FGD5: variants seen among roughly 807,000 people sequenced by gnomAD.
The protein encoded by FGD5 is FYVE, RhoGEF and PH domain-containing protein 5.
FGD5 carries 28 observed loss-of-function variants against 133.4 expected under a neutral mutation model. The observed-to-expected ratio is 0.21, with a 90% CI of 0.16 to 0.29. The LOEUF (loss-of-function observed/expected upper bound fraction) is 0.29. FGD5 is among the 10% of genes least tolerant of loss of function. The probability of loss-of-function intolerance (pLI) is 1.00; values close to 1 mark genes in which losing one functional copy is unlikely to be tolerated. For synonymous variants in FGD5, 810 were observed against 776.5 expected (o/e 1.04, Z -0.72); for missense variants, 1,858 against 1,895.2 (o/e 0.98, Z 0.36).
rs2038581748 is a variant in FGD5, at chr3:14,917,453, C to T, written c.3489+121C>T. On this transcript the variant is annotated intron_variant, in intron 12 of 19. Transcript: ENST00000285046. The surrounding 1 kb of genome is among the most constrained non-coding windows in gnomAD (Gnocchi z 4.1). ...CTGGAAGAGGGAGGCCCTGCGGAAACAGTGTTGGGCTACAGCAAGTTTGTG... is the reference window on the plus strand; with the variant it reads ...CTGGAAGAGGGAGGCCCTGCGGAAATAGTGTTGGGCTACAGCAAGTTTGTG... 2.4e-6 allele frequency: 2 copies of T among 849,512 alleles called. No individual in the cohort carries two copies. The highest frequency in any genetic ancestry group is 3.7e-6 in the Non-Finnish European group (2 of 542,654). 52.6% of individuals were successfully genotyped at this position (849,512 alleles called of 1,614,324 possible).
chr3:14,870,813 T>G (rs1040916798), intron 2 of FGD5, among the ~76,000 whole-genome samples: 1 of 152,206 alleles, frequency 6.6e-6, no homozygotes, highest in Non-Finnish European at 1.5e-5. Context: ...AAGCTCATCC[T>G]CTTCCCATCC....
rs765765956 is a variant in FGD5 at position 14,932,667 on chromosome 3, C to T, written c.4288C>T (p.His1430Tyr). Reference sequence around the variant, plus strand: ...CAGCAGTGAAGTAGGACCTATTTTTCACCTTTACCACAAGAAAACCCTATT... The same window carrying T: ...CAGCAGTGAAGTAGGACCTATTTTTTACCTTTACCACAAGAAAACCCTATT... ...EGSSEVGPIF[H>Y]LYHKKTLFYS... Residue 1430 changes from histidine to tyrosine, a missense_variant, in exon 19 of 20, where the codon CAC becomes TAC. His to Tyr is a moderately conservative substitution (Grantham distance 83, BLOSUM62 2). This residue lies in a region of FGD5 where 1,824 missense variants were observed against 1,848.9 expected (regional missense o/e 0.99). Coordinates refer to ENST00000285046, the MANE Select transcript of FGD5 (RefSeq NM_152536.4). 60 of 1,613,910 alleles carry T rather than the reference C, an allele frequency of 3.7e-5. No homozygotes were observed. The highest frequency in any genetic ancestry group is 4.9e-5 in the Non-Finnish European group (58 of 1,179,906).
intron 1 of FGD5, among the ~76,000 whole-genome samples, chr3:14,813,820 T>C (rs887725865): frequency 8.5e-5 from 13 of 152,266 alleles, no homozygotes; most frequent in Non-Finnish European, 1.2e-4. Flanking sequence ...CCAATACCCC[T>C]GCTAATTGAA....
At chr3:14,900,978 A>C (rs1467514065) in intron 8 of FGD5, 25 bp from the exon 9 acceptor site, 1 of 1,613,868 alleles carries the variant, frequency 6.2e-7, no homozygotes, top group East Asian at 2.2e-5. Context: ...CAATGGCCCA[A>C]CTCCTGCTCT....
At chr3:14,928,366 C>T (rs1269481291) in intron 18 of FGD5, among the ~76,000 whole-genome samples, 1 of 152,072 alleles carries the variant, frequency 6.6e-6, no homozygotes, top group Non-Finnish European at 1.5e-5. Context: ...GCCACTGTGC[C>T]CAGCCTATTT....
chr3:14,817,195 T>C (rs2036383021), upstream of FGD5, among the ~76,000 whole-genome samples: 1 of 152,184 alleles, frequency 6.6e-6, no homozygotes, highest in Admixed American at 6.5e-5. Flanking sequence ...ATCGTTAAAA[T>C]TACTTTTACT....
At chr3:14,927,659 A>G (rs777801701) in intron 18 of FGD5, among the ~76,000 whole-genome samples, 4 of 152,132 alleles carry the variant, frequency 2.6e-5, no homozygotes, top group Non-Finnish European at 5.9e-5. Context: ...GTGCACCCCT[A>G]TCATGTACCC....
At chr3:14,834,777 G>A (rs2125080088) in intron 1 of FGD5, among the ~76,000 whole-genome samples, 1 of 152,320 alleles carries the variant, frequency 6.6e-6, no homozygotes, top group South Asian at 2.1e-4. Flanking sequence ...CATGTAAGAA[G>A]CAGTTTAAGG....
intron 1 of FGD5, among the ~76,000 whole-genome samples, chr3:14,835,606 T>G (rs2036803207): frequency 6.6e-6 from 1 of 152,228 alleles, no homozygotes; most frequent in African/African-American, 2.4e-5. Flanking sequence ...GCACTGCACT[T>G]TACAGCTTAC....
At chr3:14,885,063 G>A (rs918459151) in intron 4 of FGD5, among the ~76,000 whole-genome samples, 4 of 151,360 alleles carry the variant, frequency 2.6e-5, no homozygotes, top group Admixed American at 6.6e-5. Flanking sequence ...GTAAAGCTTA[G>A]GGCCCTTGTC....
At chr3:14,896,627 C>T (rs1232028614) in intron 4 of FGD5, among the ~76,000 whole-genome samples, 3 of 152,120 alleles carry the variant, frequency 2.0e-5, no homozygotes, top group East Asian at 3.9e-4. Flanking sequence ...TGCGCAACCA[C>T]ACCCAGCTAA....
intron 4 of FGD5, among the ~76,000 whole-genome samples, chr3:14,884,521 G>A (rs1038196352): frequency 6.6e-6 from 1 of 152,206 alleles, no homozygotes. Context: ...TCTGCTGGAA[G>A]GTCCTACCCC....
At chr3:14,899,172 T>A (rs2038191984) in intron 7 of FGD5, among the ~76,000 whole-genome samples, 2 of 152,120 alleles carry the variant, frequency 1.3e-5, no homozygotes, top group African/African-American at 4.8e-5. Context: ...GAGTGGACAT[T>A]TTCAGCCTTG....
rs374972839 is a variant in FGD5 at position 14,932,735 on chromosome 3, C to T, written c.4352+4C>T. The T allele has an allele frequency of 7.9e-5, 127 of 1,610,354 alleles. No individual in the cohort carries two copies. Among genetic ancestry groups the T allele is most frequent in the East Asian group, 4.5e-4 (20 of 44,868 alleles). ...AAGATACCAATTCAGCTCAGAGGTA[C>T]GAAAAGAACTAATTAGTCTTATAGC... is the stretch of plus-strand genomic sequence containing the variant. On this transcript the variant is annotated splice_donor_region_variant and intron_variant, in intron 19 of 19. Coordinates refer to ENST00000285046, the MANE Select transcript of FGD5 (RefSeq NM_152536.4).
In FGD5 at chr3:14,820,541, C is replaced by T. The variant is rs748633653; in HGVS notation, c.1470C>T (p.Ala490=). 12 of 1,613,426 alleles carry T rather than the reference C, an allele frequency of 7.4e-6. No individual in the cohort carries two copies. Among genetic ancestry groups the T allele is most frequent in the East Asian group, 4.5e-5 (2 of 44,870 alleles). The change falls in exon 1 of 20, where the codon GCC becomes GCT. Residue 490 remains alanine (A), a synonymous_variant. Coordinates refer to ENST00000285046, the MANE Select transcript of FGD5 (RefSeq NM_152536.4). ...TRVRPHSGKV[A]GYVPETVPEE... is the part of the protein sequence containing the mutation. ...TCCGGCCCCACTCTGGGAAGGTGGC[C>T]GGCTATGTCCCAGAAACCGTCCCTG...
intron 1 of FGD5, among the ~76,000 whole-genome samples, chr3:14,829,176 C>G (rs1042702557): frequency 6.6e-6 from 1 of 151,984 alleles, no homozygotes; most frequent in African/African-American, 2.4e-5. Flanking sequence ...TCTGGAGAGT[C>G]GAAAGGATCT....
chr3:14,865,325 G>T (rs2037474702), intron 2 of FGD5, among the ~76,000 whole-genome samples: 1 of 152,182 alleles, frequency 6.6e-6, no homozygotes, highest in South Asian at 2.1e-4. Flanking sequence ...CTCAGCACAG[G>T]TGCCTGACAC....
At chr3:14,859,172 G>A (rs550114287) in intron 1 of FGD5, among the ~76,000 whole-genome samples, 1 of 152,310 alleles carries the variant, frequency 6.6e-6, no homozygotes, top group South Asian at 2.1e-4. Flanking sequence ...ACAATGTGAT[G>A]TTTTAGTATA....
In FGD5 at chr3:14,898,691, T is replaced by C. The variant is rs377247404; in HGVS notation, c.3067-48T>C. 194 of 1,498,890 alleles carry C rather than the reference T, an allele frequency of 1.3e-4. 1 individual carries two copies. The highest frequency in any genetic ancestry group is 1.6e-4 in the Non-Finnish European group (180 of 1,100,968). The allele number at this position is 1,498,890 out of a possible 1,614,324, so 92.8% of individuals were successfully genotyped here. On this transcript the variant is annotated intron_variant, in intron 6 of 19. Transcript: ENST00000285046. ...ATGGGCTGCTGTGAGCATGGTGCCTTCAGGAGGGGTTTCTGATAAGGTTTT... is the reference window on the plus strand; with the variant it reads ...ATGGGCTGCTGTGAGCATGGTGCCTCCAGGAGGGGTTTCTGATAAGGTTTT...
Sources: allele counts gnomAD v4.1 joint callset (sites outside exome capture counted in the v4.1 genomes callset), GRCh38; gene constraint gnomAD v4.1.1; regional missense constraint gnomAD v4.1.1; non-coding constraint Gnocchi (gnomAD v3.1); transcripts MANE v1.5; gene names NCBI Gene and HGNC (gene_info 2026-07-23, HGNC 2026-07-21).